MAPK13: variants seen among roughly 807,000 people sequenced by gnomAD.
MAPK13 encodes mitogen-activated protein kinase 13.
Under a neutral mutation model 53.5 loss-of-function variants are expected in MAPK13, and 39 were observed. The ratio of observed to expected loss-of-function variants is 0.73; its 90% CI spans 0.56 to 0.95. The LOEUF is 0.95. Ranked by LOEUF, MAPK13 falls within the 40% of genes least tolerant of loss-of-function variation. The pLI is 0.00. For synonymous variants in MAPK13, 179 were observed against 190.9 expected (o/e 0.94, Z 0.51); for missense variants, 460 against 471.8 (o/e 0.98, Z 0.23).
Position 36,141,218 on chromosome 6 carries a change from T to C in MAPK13, c.*1845T>C, listed in dbSNP as rs767768109. 1 of 152,150 alleles carries C rather than the reference T, an allele frequency of 6.6e-6. No homozygotes were observed. Among genetic ancestry groups the C allele is most frequent in the African/African-American group, 2.4e-5 (1 of 41,426 alleles). 9.4% of individuals were successfully genotyped at this position (152,150 alleles called of 1,614,324 possible). On this transcript the variant is annotated 3_prime_UTR_variant, in exon 12 of 12. Transcript: ENST00000211287. The stretch of plus-strand genomic sequence containing the variant: ...ACACAGAGTGAACCCTCAAGTAAAC[T>C]ATGGACTTCAGTTAATAATAATGTA...
rs934690453 is a variant in MAPK13 at position 36,144,269 on chromosome 6, G to A, written c.*4896G>A. On this transcript the variant is annotated 3_prime_UTR_variant, in exon 12 of 12. Transcript: ENST00000211287. ...TCAAAATATTTTTAAAATGTATAAC[G>A]TGATACTATGTGTATAGGTTTCTTT... The A allele has an allele frequency of 6.6e-6, 1 of 152,118 alleles. No individual in the cohort carries two copies. Among genetic ancestry groups the A allele is most frequent in the Non-Finnish European group, 1.5e-5 (1 of 68,022 alleles). The allele number at this position is 152,118 out of a possible 1,614,324, so 9.4% of individuals were successfully genotyped here.
At chr6:36,138,609 A>C in intron 9 of MAPK13, 93 bp from the exon 10 acceptor site, 1 of 1,372,666 alleles carries the variant, frequency 7.3e-7, no homozygotes, top group South Asian at 1.2e-5. Flanking sequence ...CCCTGACCTG[A>C]ACTTTCAGCC....
At position 36,138,917 on chromosome 6, in the gene MAPK13, G is replaced by A. The variant is rs772959134; in HGVS notation, c.880G>A (p.Asp294Asn). Reference protein sequence around the residue: ...LLEKMLELDVDKRLTAAQALT... With the variant: ...LLEKMLELDVNKRLTAAQALT... ...GGAGAAGATGCTGGAGCTAGACGTG[G>A]ACAAGCGCCTGACGGCCGCGCAGGC... The change falls in exon 11 of 12, where the codon GAC becomes AAC. Residue 294 changes from aspartate to asparagine, a missense_variant. Coordinates refer to ENST00000211287, the MANE Select transcript of MAPK13 (RefSeq NM_002754.5). The A allele has an allele frequency of 1.9e-6, 3 of 1,612,142 alleles. No individual in the cohort carries two copies. The highest frequency in any genetic ancestry group is 2.5e-6 in the Non-Finnish European group (3 of 1,179,174).
chr6:36,139,083 G>A (rs1427733312), intron 11 of MAPK13, 28 bp downstream of exon 11: 16 of 1,549,450 alleles, frequency 1.0e-5, no homozygotes, highest in Non-Finnish European at 1.4e-5. Context: ...GGGCTTCCTC[G>A]CCTCCGCCTG....
At chr6:36,136,110 T>C in intron 5 of MAPK13, 62 bp downstream of exon 5, 1 of 1,592,762 alleles carries the variant, frequency 6.3e-7, no homozygotes, top group Non-Finnish European at 8.6e-7. Flanking sequence ...TATGGGGTTC[T>C]CTGGCAATCA....
Position 36,139,339 on chromosome 6 carries a change from A to C in MAPK13, c.1064A>C (p.Lys355Thr). 6.2e-7 allele frequency: 1 copy of C among 1,614,132 alleles called. No individual in the cohort carries two copies. Among genetic ancestry groups the C allele is most frequent in the Admixed American group, 1.7e-5 (1 of 60,012 alleles). ...GTGAACTTCAGCCCCATTGCCCGGA[A>C]GGACTCACGGCGCCGGAGTGGCATG... ...EIVNFSPIAR[K>T]DSRRRSGMKL The change falls in exon 12 of 12, where the codon AAG becomes ACG. Residue 355 changes from lysine to threonine, a missense_variant. Coordinates refer to ENST00000211287, the MANE Select transcript of MAPK13 (RefSeq NM_002754.5).
chr6:36,137,655 A>C (rs2859140), intron 8 of MAPK13, among the ~76,000 whole-genome samples: 56,789 of 148,534 alleles, frequency 0.38, 12,118 homozygotes, highest in East Asian at 0.69. Flanking sequence ...AACTCAAAAA[A>C]AAAAAAAAAA....
chr6:36,133,080 C>T (rs989592272), intron 3 of MAPK13, among the ~76,000 whole-genome samples: 3 of 152,246 alleles, frequency 2.0e-5, no homozygotes, highest in Non-Finnish European at 2.9e-5. Context: ...TTGGCTGCCT[C>T]TGGCTGATGG....
At chr6:36,138,616 A>T in intron 9 of MAPK13, 86 bp from the exon 10 acceptor site, 2 of 1,404,878 alleles carry the variant, frequency 1.4e-6, no homozygotes, top group African/African-American at 1.4e-5. Context: ...CTGAACTTTC[A>T]GCCCTGCTCT....
chr6:36,138,983 G>C lies in MAPK13; in HGVS notation c.946G>C (p.Glu316Gln), dbSNP rs549299964. 1 of 1,613,856 alleles carries C rather than the reference G, an allele frequency of 6.2e-7. No individual in the cohort carries two copies. Among genetic ancestry groups the C allele is most frequent in the Non-Finnish European group, 8.5e-7 (1 of 1,179,958 alleles). The part of the protein sequence containing the change: ...PFFEPFRDPE[E>Q]ETEAQQPFDD... ...CTTTGAACCCTTCCGGGACCCTGAG[G>C]AAGAGACGGAGGCCCAGCAGCCGTT... The change falls in exon 11 of 12, where the codon GAA becomes CAA. Residue 316 changes from glutamate (E) to glutamine (Q), a missense_variant. By Grantham distance (29) the Glu-to-Gln change is conservative. Transcript: ENST00000211287.
rs748940573 is a variant in MAPK13, at chr6:36,139,387, A to G, written c.*14A>G. ...ATGAAGCTGTAGGGACTCATCTTGC[A>G]TGGCACCGCCGGCCAGACACTGCCC... On this transcript the variant is annotated 3_prime_UTR_variant, in exon 12 of 12. Transcript: ENST00000211287. 1.9e-6 allele frequency: 3 copies of G among 1,612,710 alleles called. No homozygotes were observed. Among genetic ancestry groups the G allele is most frequent in the South Asian group, 1.1e-5 (1 of 91,036 alleles).
intron 3 of MAPK13, 40 bp from the exon 4 acceptor site, chr6:36,135,713 G>C: frequency 6.9e-7 from 1 of 1,446,776 alleles, no homozygotes; most frequent in Non-Finnish European, 9.7e-7. Flanking sequence ...GGGGCTGGGT[G>C]GGACCCGGCA....
intron 2 of MAPK13, among the ~76,000 whole-genome samples, chr6:36,131,937 G>A (rs1766332012): frequency 6.6e-6 from 1 of 152,208 alleles, no homozygotes; most frequent in Non-Finnish European, 1.5e-5. Flanking sequence ...TCGGCAGCGA[G>A]GCTCCCGGTC....
chr6:36,133,562 G>A (rs761122004), intron 3 of MAPK13, among the ~76,000 whole-genome samples: 32 of 152,166 alleles, frequency 2.1e-4, no homozygotes, highest in Non-Finnish European at 3.7e-4. Flanking sequence ...TGAAATACAC[G>A]GTAGAGGAAG....
At chr6:36,134,511 G>GC (rs1046615210) in intron 3 of MAPK13, among the ~76,000 whole-genome samples, 1 of 152,114 alleles carries the variant, frequency 6.6e-6, no homozygotes, top group Non-Finnish European at 1.5e-5. Flanking sequence ...TCCCGCCTCA[G>GC]CCCCCCAAGT....
chr6:36,133,869 G>T (rs1396217909), intron 3 of MAPK13, among the ~76,000 whole-genome samples: 1 of 152,208 alleles, frequency 6.6e-6, no homozygotes, highest in Non-Finnish European at 1.5e-5. Context: ...AGGAGGCAGA[G>T]GAGAGTCAGC....
At position 36,139,056 on chromosome 6, in the gene MAPK13, G is replaced by GT. The variant is rs757156558; in HGVS notation, c.1018+2dup. ...AAACTCACAGTGGATGAATGGAAGC[G>GT]TAAGAGCTGGGGCCTCGGGCTTCCT... is the stretch of plus-strand genomic sequence containing the variant. On this transcript the variant is annotated splice_donor_variant, in intron 11 of 11. Transcript: ENST00000211287. LOFTEE classifies it high-confidence loss of function. 4.2e-5 allele frequency: 66 copies of GT among 1,588,342 alleles called. No individual in the cohort carries two copies. The highest frequency in any genetic ancestry group is 1.6e-4 in the East Asian group (7 of 44,644).
rs1337057757 is a variant in MAPK13, at chr6:36,136,859, C to T, written c.611-20C>T. 6.2e-7 allele frequency: 1 copy of T among 1,613,428 alleles called. No individual in the cohort carries two copies. Among genetic ancestry groups the T allele is most frequent in the Non-Finnish European group, 8.5e-7 (1 of 1,179,510 alleles). On this transcript the variant is annotated intron_variant, in intron 7 of 11. Transcript: ENST00000211287. ...GCTGGGCCCCAGACAGTCCAGGTGA[C>T]ACTCTCCCTCCCTCTGCAGTGGACA... is the stretch of plus-strand genomic sequence containing the variant.
Position 36,138,808 on chromosome 6 carries a change from G to A in MAPK13, c.841+28G>A, listed in dbSNP as rs759600203. 57 of 1,613,760 alleles carry A rather than the reference G, an allele frequency of 3.5e-5. 1 individual carries two copies. In the South Asian group the frequency reaches 5.7e-4, roughly 16 times the overall value. On this transcript the variant is annotated intron_variant, in intron 10 of 11. Coordinates refer to ENST00000211287, the MANE Select transcript of MAPK13 (RefSeq NM_002754.5). ...GAGTCTCAGAGCCCGCTCCCCAGGG[G>A]CCTCTCAGCGTATCCCAGAGGGCGG...
Sources: gnomAD v4.1 joint callset for allele counts (sites outside exome capture counted in the v4.1 genomes callset) on GRCh38, gnomAD v4.1.1 for gene constraint, MANE v1.5 for transcripts, NCBI Gene and HGNC (gene_info 2026-07-23, HGNC 2026-07-21) for gene names.